GABBR2: variants seen among roughly 807,000 people sequenced by gnomAD.
The protein encoded by GABBR2 is gamma-aminobutyric acid type B receptor subunit 2, also known as G-protein coupled receptor 51.
Under a neutral mutation model 105.6 loss-of-function variants are expected in GABBR2, and 23 were observed. The ratio of observed to expected loss-of-function variants is 0.22; its 90% CI spans 0.16 to 0.31. The LOEUF (loss-of-function observed/expected upper bound fraction) is 0.31. Ranked by LOEUF, GABBR2 falls within the 10% of genes least tolerant of loss-of-function variation. The probability of loss-of-function intolerance (pLI) is 1.00; values close to 1 mark genes in which losing one functional copy is unlikely to be tolerated. For missense variants in GABBR2, 734 were observed against 1,245.5 expected (o/e 0.59, Z 6.18); for synonymous variants, 478 against 499.7 (o/e 0.96, Z 0.58).
chr9:98,608,887 A>G (rs1588250744), intron 1 of GABBR2, among the ~76,000 whole-genome samples: 2 of 152,336 alleles, frequency 1.3e-5, no homozygotes, highest in South Asian at 4.1e-4. Context: ...AACTTTCTTT[A>G]ACTCCTTTTT....
At chr9:98,464,098 G>T (rs573620418) in intron 6 of GABBR2, among the ~76,000 whole-genome samples, 2 of 151,634 alleles carry the variant, frequency 1.3e-5, no homozygotes, top group Non-Finnish European at 2.9e-5. Flanking sequence ...GCAGCCCATC[G>T]TCTGGGATGT....
intron 3 of GABBR2, among the ~76,000 whole-genome samples, chr9:98,537,461 T>G (rs890706047): frequency 6.6e-6 from 1 of 152,140 alleles, no homozygotes; most frequent in Non-Finnish European, 1.5e-5. Flanking sequence ...ACATACTTTT[T>G]TTTTTTTGAG....
At chr9:98,653,377 T>C (rs1830135807) in intron 1 of GABBR2, among the ~76,000 whole-genome samples, 1 of 152,202 alleles carries the variant, frequency 6.6e-6, no homozygotes, top group African/African-American at 2.4e-5. Context: ...AAGCAGTTAG[T>C]CTTCTTTACC....
At position 98,684,169 on chromosome 9, in the gene GABBR2, T is replaced by TAAAAAAAAA. The variant is rs3032196; in HGVS notation, c.321+24239_321+24247dup. Among the ~76,000 whole-genome samples, 555 of 66,082 alleles carry TAAAAAAAAA rather than the reference T, an allele frequency of 8.4e-3. 21 individuals carry two copies. Among genetic ancestry groups the TAAAAAAAAA allele is most frequent in the East Asian group, 0.024 (45 of 1,886 alleles). 43.4% of individuals were successfully genotyped at this position (66,082 alleles called of 152,430 possible). A position where few individuals can be genotyped will look rare whatever the true frequency, so the allele number is the denominator to read the frequency against. ...AAAAGAAGAATGCATTTTACCACGG[T>TAAAAAAAAA]AAAAAAAAAAAAAAAAAAAAAAAAA... On this transcript the variant is annotated intron_variant, in intron 1 of 18. Coordinates refer to ENST00000259455, the MANE Select transcript of GABBR2 (RefSeq NM_005458.8).
At chr9:98,472,821 A>T (rs1826711984) in intron 6 of GABBR2, among the ~76,000 whole-genome samples, 1 of 152,126 alleles carries the variant, frequency 6.6e-6, no homozygotes, top group African/African-American at 2.4e-5. Flanking sequence ...CTTAGGTAAA[A>T]GGAGCACGGG....
At chr9:98,345,007 T>C (rs1036284878) in intron 13 of GABBR2, among the ~76,000 whole-genome samples, 1 of 152,122 alleles carries the variant, frequency 6.6e-6, no homozygotes, top group Non-Finnish European at 1.5e-5. Flanking sequence ...CACACCTGCC[T>C]TAATGAAGAG....
At chr9:98,312,117 T>C (rs763550530) in intron 13 of GABBR2, among the ~76,000 whole-genome samples, 6 of 152,254 alleles carry the variant, frequency 3.9e-5, no homozygotes, top group Non-Finnish European at 7.3e-5. Context: ...ACTTACTAAA[T>C]TCAGAAAATT....
intron 2 of GABBR2, among the ~76,000 whole-genome samples, chr9:98,546,631 C>CT: frequency 6.6e-6 from 1 of 152,284 alleles, no homozygotes; most frequent in East Asian, 1.9e-4. Flanking sequence ...TTGCCTGTCA[C>CT]TTTTTTATCC....
intron 7 of GABBR2, among the ~76,000 whole-genome samples, chr9:98,428,720 C>T (rs1035007217): frequency 1.3e-5 from 2 of 152,178 alleles, no homozygotes; most frequent in East Asian, 1.9e-4. Flanking sequence ...TCAAAACTAA[C>T]GGGACTAGCA....
At position 98,634,985 on chromosome 9, in the gene GABBR2, A is replaced by G. The variant is rs561330947; in HGVS notation, c.322-56913T>C. ...AAATATCTGCCTCTCTGTAATCCCT[A>G]GCTTCCAGCCTAGCTTTGTTTTCTG... On this transcript the variant is annotated intron_variant, in intron 1 of 18. Transcript: ENST00000259455. Among the ~76,000 whole-genome samples, 48 of 152,162 alleles carry G rather than the reference A, an allele frequency of 3.2e-4. 1 individual carries two copies. Among genetic ancestry groups the G allele is most frequent in the African/African-American group, 1.1e-3 (44 of 41,502 alleles).
chr9:98,451,377 C>T (rs1826226475), intron 7 of GABBR2, among the ~76,000 whole-genome samples: 1 of 152,164 alleles, frequency 6.6e-6, no homozygotes, highest in Non-Finnish European at 1.5e-5. Context: ...TTAAAGTTTC[C>T]AGCCTGAATC....
At chr9:98,487,351 C>A (rs2131656889) in intron 4 of GABBR2, among the ~76,000 whole-genome samples, 1 of 152,174 alleles carries the variant, frequency 6.6e-6, no homozygotes, top group East Asian at 1.9e-4. Flanking sequence ...GGGGTCAATT[C>A]CCTAAGGACT....
intron 1 of GABBR2, among the ~76,000 whole-genome samples, chr9:98,640,457 C>T (rs1340014319): frequency 6.6e-6 from 1 of 152,036 alleles, no homozygotes; most frequent in Non-Finnish European, 1.5e-5. Flanking sequence ...GTGCAAATAC[C>T]CCTTCCTCCA....
chr9:98,359,403 C>T (rs994194721), intron 13 of GABBR2, among the ~76,000 whole-genome samples: 4 of 152,030 alleles, frequency 2.6e-5, no homozygotes, highest in Admixed American at 1.3e-4. Flanking sequence ...GCACTCCAGC[C>T]TAGGTGACAG....
At chr9:98,451,630 T>C (rs1468683067) in intron 7 of GABBR2, among the ~76,000 whole-genome samples, 1 of 152,116 alleles carries the variant, frequency 6.6e-6, no homozygotes, top group Non-Finnish European at 1.5e-5. Flanking sequence ...GAGGTTCTGA[T>C]TTAATGGGCC....
rs1832118112 is a variant in GABBR2 at position 98,388,601 on chromosome 9, C to A, written c.1529+253G>T. Among the ~76,000 whole-genome samples the A allele has an allele frequency of 6.6e-6, 1 of 150,674 alleles. No homozygotes were observed. Among genetic ancestry groups the A allele is most frequent in the Non-Finnish European group, 1.5e-5 (1 of 67,908 alleles). ...AAACTTATTTGACTAAACTCCTGTGCAACCAGCAGCCTGGCCTCTGTGTGT... is the reference window on the plus strand; with the variant it reads ...AAACTTATTTGACTAAACTCCTGTGAAACCAGCAGCCTGGCCTCTGTGTGT... On this transcript the variant is annotated intron_variant, in intron 10 of 18. Transcript: ENST00000259455. This position sits in a 1 kb window ranked among gnomAD's most constrained non-coding sequence, Gnocchi z 4.4.
intron 13 of GABBR2, among the ~76,000 whole-genome samples, chr9:98,345,006 C>T (rs766564085): frequency 7.2e-5 from 11 of 152,138 alleles, no homozygotes; most frequent in Non-Finnish European, 1.5e-4. Context: ...CCACACCTGC[C>T]TTAATGAAGA....
chr9:98,515,514 C>T (rs1323686765), intron 3 of GABBR2, among the ~76,000 whole-genome samples: 1 of 152,176 alleles, frequency 6.6e-6, no homozygotes, highest in African/African-American at 2.4e-5. Flanking sequence ...ATCCTAAGCC[C>T]CTAGCATTTG....
chr9:98,542,672 A>T (rs1442686689), intron 2 of GABBR2, among the ~76,000 whole-genome samples: 1 of 152,226 alleles, frequency 6.6e-6, no homozygotes, highest in Non-Finnish European at 1.5e-5. Flanking sequence ...TTTCCAAAAA[A>T]CATTTTATCG....
Sources: allele counts gnomAD v4.1 joint callset (sites outside exome capture counted in the v4.1 genomes callset), GRCh38; gene constraint gnomAD v4.1.1; non-coding constraint Gnocchi (gnomAD v3.1); transcripts MANE v1.5; gene names NCBI Gene and HGNC (gene_info 2026-07-23, HGNC 2026-07-21).